The following BCAS3 variants were observed in gnomAD, a reference collection of about 807,000 sequenced individuals.
BCAS3 encodes the protein BCAS3 microtubule associated cell migration factor.
Under a neutral mutation model 116.1 loss-of-function variants are expected in BCAS3, and 53 were observed. The ratio of observed to expected loss-of-function variants is 0.46; its 90% CI spans 0.37 to 0.57. The LOEUF is 0.57. Among genes scored for constraint, BCAS3 ranks in the 20% least tolerant of loss-of-function variants. The probability of loss-of-function intolerance (pLI) is 0.00; values close to 1 mark genes in which losing one functional copy is unlikely to be tolerated. For missense variants in BCAS3, 917 were observed against 1,165.4 expected, an observed-to-expected ratio of 0.79 and a Z score of 3.10; for synonymous variants, 391 against 408.2, an observed-to-expected ratio of 0.96 and a Z score of 0.51.
chr17:60,760,405 C>T (rs1298775455), intron 6 of BCAS3, among the ~76,000 whole-genome samples: 1 of 128,584 alleles, frequency 7.8e-6, no homozygotes, highest in African/African-American at 5.1e-5. Context: ...TGAATTCCCC[C>T]AGCTTTTGTT....
chr17:60,944,933 T>C (rs1430656745), intron 13 of BCAS3, among the ~76,000 whole-genome samples: 2 of 152,136 alleles, frequency 1.3e-5, no homozygotes, highest in Admixed American at 1.3e-4. Flanking sequence ...CAGAAATCTC[T>C]CCTTCCTATT....
Position 61,366,140 on chromosome 17 carries a change from CAAA to C in BCAS3, c.2426-2173_2426-2171del, listed in dbSNP as rs59436810. On this transcript the variant is annotated intron_variant, in intron 22 of 23. Coordinates refer to ENST00000407086, the MANE Select transcript of BCAS3 (RefSeq NM_017679.5). This position sits in a 1 kb window ranked among gnomAD's most constrained non-coding sequence, Gnocchi z 4.5. ...CCTGGGCGACAGAGTGAGACTGTCT[CAAA>C]AAAAAAAAAAAAAGTTGAGCCAACA... is the stretch of plus-strand genomic sequence containing the variant. Among the ~76,000 whole-genome samples the C allele has an allele frequency of 6.5e-5, 9 of 137,600 alleles. No individual in the cohort carries two copies. Among genetic ancestry groups the C allele is most frequent in the Non-Finnish European group, 6.3e-5 (4 of 63,862 alleles). 90.3% of individuals were successfully genotyped at this position (137,600 alleles called of 152,430 possible).
chr17:60,889,804 A>G (rs759504688), intron 10 of BCAS3, 33 bp downstream of exon 10: 11 of 1,560,940 alleles, frequency 7.0e-6, no homozygotes, highest in Non-Finnish European at 8.8e-6. Flanking sequence ...ATTATTTGTA[A>G]TGGAGCAAGT....
intron 6 of BCAS3, 48 bp downstream of exon 6, chr17:60,747,327 TTTGTTGGTC>T (rs1366999055): frequency 6.7e-7 from 1 of 1,490,128 alleles, no homozygotes; most frequent in Non-Finnish European, 9.3e-7. Context: ...GAGTTTCTCT[TTTGTTGGTC>T]TTGGACTACA....
intron 22 of BCAS3, among the ~76,000 whole-genome samples, chr17:61,133,015 A>T (rs569489332): frequency 6.6e-6 from 1 of 152,318 alleles, no homozygotes; most frequent in African/African-American, 2.4e-5. Context: ...CTAAAGGAAA[A>T]TTTTAAATCT....
chr17:61,358,500 A>ATT (rs71150608), intron 22 of BCAS3, among the ~76,000 whole-genome samples: 25,669 of 130,866 alleles, frequency 0.2, 3,323 homozygotes, highest in East Asian at 0.47. Flanking sequence ...CACGTTTTTA[A>ATT]TTTTTTTTTT....
rs1161798949 is a variant in BCAS3 at position 61,208,039 on chromosome 17, T to G, written c.2425+123475T>G. On this transcript the variant is annotated intron_variant, in intron 22 of 23. Transcript: ENST00000407086. This position sits in a 1 kb window ranked among gnomAD's most constrained non-coding sequence, Gnocchi z 4.5. ...TGGAAATAACAAAAAACTTAGGAGATAATGTTGATCACATACCCTTTTTTA... is the reference window on the plus strand; with the variant it reads ...TGGAAATAACAAAAAACTTAGGAGAGAATGTTGATCACATACCCTTTTTTA... Among the ~76,000 whole-genome samples the G allele has an allele frequency of 2.6e-5, 4 of 152,208 alleles. No homozygotes were observed.
At chr17:60,731,674 A>G (rs2144163270) in intron 5 of BCAS3, among the ~76,000 whole-genome samples, 1 of 151,474 alleles carries the variant, frequency 6.6e-6, no homozygotes, top group East Asian at 1.9e-4. Flanking sequence ...AACATTTTCT[A>G]TATATGTTTA....
intron 19 of BCAS3, among the ~76,000 whole-genome samples, chr17:61,052,672 A>G (rs1035463875): frequency 5.3e-5 from 8 of 151,822 alleles, no homozygotes; most frequent in African/African-American, 1.7e-4. Flanking sequence ...TTATTATGCT[A>G]AAGACAATTA....
At chr17:61,303,289 T>C (rs537211064) in intron 22 of BCAS3, among the ~76,000 whole-genome samples, 1 of 152,234 alleles carries the variant, frequency 6.6e-6, no homozygotes, top group South Asian at 2.1e-4. Context: ...AATAAAATAG[T>C]CCCTCATCTA....
rs1311588430 is a variant in BCAS3 at position 61,387,073 on chromosome 17, C to T, written c.2594-4904C>T. On this transcript the variant is annotated intron_variant, in intron 23 of 23. Coordinates refer to ENST00000407086, the MANE Select transcript of BCAS3 (RefSeq NM_017679.5). This position sits in a 1 kb window ranked among gnomAD's most constrained non-coding sequence, Gnocchi z 6.2. ...CAGGTGTGAGCCACTGCACCTGGCCCGACTTCACCTCCGACCTACTGCTGG... is the reference window on the plus strand; with the variant it reads ...CAGGTGTGAGCCACTGCACCTGGCCTGACTTCACCTCCGACCTACTGCTGG... 2.6e-5 allele frequency among the ~76,000 whole-genome samples: 4 copies of T among 152,204 alleles called. No homozygotes were observed. The highest frequency in any genetic ancestry group is 4.4e-5 in the Non-Finnish European group (3 of 68,038).
Position 60,993,695 on chromosome 17 carries a change from T to G in BCAS3, c.1486+3460T>G, listed in dbSNP as rs2063671551. Among the ~76,000 whole-genome samples the G allele has an allele frequency of 6.6e-6, 1 of 152,184 alleles. No homozygotes were observed. Among genetic ancestry groups the G allele is most frequent in the Non-Finnish European group, 1.5e-5 (1 of 68,012 alleles). On this transcript the variant is annotated intron_variant, in intron 15 of 23. Transcript: ENST00000407086. This position sits in a 1 kb window ranked among gnomAD's most constrained non-coding sequence, Gnocchi z 4.2. ...AGTCTGATGCTGGTCAAAAACAATG[T>G]AAACCATTGAACAGGGAGGGATTCA...
At chr17:61,257,505 C>A in intron 22 of BCAS3, among the ~76,000 whole-genome samples, 1 of 151,598 alleles carries the variant, frequency 6.6e-6, no homozygotes, top group Non-Finnish European at 1.5e-5. Flanking sequence ...TTTTACCAAG[C>A]CACCTTCCTT....
intron 6 of BCAS3, among the ~76,000 whole-genome samples, chr17:60,795,777 C>T (rs901193247): frequency 3.5e-4 from 53 of 152,266 alleles, no homozygotes; most frequent in African/African-American, 9.6e-4. Flanking sequence ...GTAGCCTCCG[C>T]CTCCTGGGTT....
rs1568663371 is a variant in BCAS3 at position 61,248,487 on chromosome 17, G to A, written c.2426-119840G>A. On this transcript the variant is annotated intron_variant, in intron 22 of 23. Transcript: ENST00000407086. This position sits in a 1 kb window ranked among gnomAD's most constrained non-coding sequence, Gnocchi z 4.3. ...CAGTTGAAGGTCTAAGTCCCAGCCT[G>A]GCATGAATTCCCAGAGAGCCTTGGG... Among the ~76,000 whole-genome samples the A allele has an allele frequency of 6.6e-6, 1 of 152,190 alleles. No individual in the cohort carries two copies. The highest frequency in any genetic ancestry group is 2.4e-5 in the African/African-American group (1 of 41,442).
chr17:60,759,069 G>T (rs551624511), intron 6 of BCAS3, among the ~76,000 whole-genome samples: 173 of 151,896 alleles, frequency 1.1e-3, no homozygotes, highest in Non-Finnish European at 2.2e-3. Context: ...TGCCTCCCGG[G>T]TTCTATCGAT....
rs932063980 is a variant in BCAS3, at chr17:60,778,884, T to C, written c.404-29120T>C. On this transcript the variant is annotated intron_variant, in intron 6 of 23. Coordinates refer to ENST00000407086, the MANE Select transcript of BCAS3 (RefSeq NM_017679.5). ...ATAAGTAGCATATGATTTTGTGGGA[T>C]GATAAAAGTATAGTTTGTATACATA... 2.6e-5 allele frequency among the ~76,000 whole-genome samples: 4 copies of C among 152,206 alleles called. No homozygotes were observed. The East Asian group carries it at 7.7e-4, about 29-fold the overall frequency.
At chr17:61,049,730 C>CTTTTTTTTTTTTTTTTTTTT (rs1027378849) in intron 19 of BCAS3, among the ~76,000 whole-genome samples, 24 of 120,798 alleles carry the variant, frequency 2.0e-4, no homozygotes, top group Non-Finnish European at 3.2e-4. Context: ...CTTTTCTTTT[C>CTTTTTTTTTTTTTTTTTTTT]TTTTTTTTTT....
chr17:61,186,359 G>C lies in BCAS3; in HGVS notation c.2425+101795G>C, dbSNP rs2079774610. On this transcript the variant is annotated intron_variant, in intron 22 of 23. Coordinates refer to ENST00000407086, the MANE Select transcript of BCAS3 (RefSeq NM_017679.5). The surrounding 1 kb of genome is among the most constrained non-coding windows in gnomAD (Gnocchi z 4.9). Reference sequence around the variant, plus strand: ...TTTTCACTAGTATATACGTATAAATGTATACTGCTTAACGAAAACATTTTT... The same window carrying C: ...TTTTCACTAGTATATACGTATAAATCTATACTGCTTAACGAAAACATTTTT... Among the ~76,000 whole-genome samples, 1 of 152,104 alleles carries C rather than the reference G, an allele frequency of 6.6e-6. No individual in the cohort carries two copies.
Sources: allele counts gnomAD v4.1 joint callset (sites outside exome capture counted in the v4.1 genomes callset), GRCh38; gene constraint gnomAD v4.1.1; non-coding constraint Gnocchi (gnomAD v3.1); transcripts MANE v1.5; gene names NCBI Gene and HGNC (gene_info 2026-07-23, HGNC 2026-07-21).